Variants in HIVEP2 observed in about 807,000 individuals in gnomAD.
HIVEP2 encodes the protein HIVEP zinc finger 2.
In HIVEP2, 14 loss-of-function variants were observed where a neutral mutation model predicts 180.7. The ratio of observed to expected loss-of-function variants is 0.08; its 90% CI spans 0.05 to 0.12. The LOEUF is 0.12. Ranked by LOEUF, HIVEP2 falls within the 10% of genes least tolerant of loss-of-function variation. The pLI, the probability that HIVEP2 is intolerant of heterozygous loss-of-function variation, is 1.00. For synonymous variants in HIVEP2, 1,184 were observed against 1,136.4 expected (o/e 1.04, Z -0.84); for missense variants, 2,579 against 3,008.5 (o/e 0.86, Z 3.34).
At chr6:142,908,247 G>A (rs981752971) in intron 1 of HIVEP2, among the ~76,000 whole-genome samples, 4 of 152,178 alleles carry the variant, frequency 2.6e-5, no homozygotes, top group Non-Finnish European at 5.9e-5. Flanking sequence ...GCCATATGTG[G>A]TGTTCCTACT....
intron 1 of HIVEP2, among the ~76,000 whole-genome samples, chr6:142,897,972 G>T (rs75727912): frequency 6.6e-6 from 1 of 152,220 alleles, no homozygotes; most frequent in African/African-American, 2.4e-5. Flanking sequence ...GTACACACCT[G>T]CTCTCAACAA....
At chr6:142,850,156 A>C (rs190536659) in intron 1 of HIVEP2, among the ~76,000 whole-genome samples, 1 of 152,250 alleles carries the variant, frequency 6.6e-6, no homozygotes, top group African/African-American at 2.4e-5. Context: ...TATTGGTTTT[A>C]TTGTTTGCTT....
chr6:142,756,559 T>A (rs1176509013), intron 9 of HIVEP2, among the ~76,000 whole-genome samples: 1 of 152,110 alleles, frequency 6.6e-6, no homozygotes, highest in Non-Finnish European at 1.5e-5. Flanking sequence ...TAGGAATGAA[T>A]GTTGACTGTT....
chr6:142,871,617 TAA>T (rs35262877), intron 1 of HIVEP2, among the ~76,000 whole-genome samples: 1 of 147,148 alleles, frequency 6.8e-6, no homozygotes, highest in Non-Finnish European at 1.5e-5. Context: ...AGATCAGAAG[TAA>T]AAAAAAAAAA....
At chr6:142,860,656 C>A (rs1775953346) in intron 1 of HIVEP2, among the ~76,000 whole-genome samples, 1 of 152,154 alleles carries the variant, frequency 6.6e-6, no homozygotes, top group African/African-American at 2.4e-5. Context: ...GCGCAGTTCA[C>A]AATAGGGTTC....
At chr6:142,921,353 T>A (rs535963580) in intron 1 of HIVEP2, among the ~76,000 whole-genome samples, 1 of 152,214 alleles carries the variant, frequency 6.6e-6, no homozygotes, top group Non-Finnish European at 1.5e-5. Flanking sequence ...CTGGCCAACA[T>A]GGCGAAACCT....
rs953079887 is a variant in HIVEP2, at chr6:142,765,930, C to T, written c.5343-956G>A. 6.6e-5 allele frequency among the ~76,000 whole-genome samples: 10 copies of T among 152,288 alleles called. No homozygotes were observed. In the East Asian group the frequency reaches 1.7e-3, roughly 26 times the overall value. On this transcript the variant is annotated intron_variant, in intron 6 of 9. Coordinates refer to ENST00000367603, the MANE Select transcript of HIVEP2 (RefSeq NM_006734.4). ...TCAAAGCTAGGCTAGAATTTTGGGT[C>T]TAATGTTATTTTTGGAAAGACGCTC...
chr6:142,769,301 C>T lies in HIVEP2; in HGVS notation c.5187+251G>A, dbSNP rs528676657. ...TCCCAGTGGTAGGATTTCATGGCACCCAAATTTTTAAATTTTAAAAGCATA... is the reference window on the plus strand; with the variant it reads ...TCCCAGTGGTAGGATTTCATGGCACTCAAATTTTTAAATTTTAAAAGCATA... On this transcript the variant is annotated intron_variant, in intron 5 of 9. Transcript: ENST00000367603. 2.6e-5 allele frequency among the ~76,000 whole-genome samples: 4 copies of T among 152,184 alleles called. No individual in the cohort carries two copies. The South Asian group carries it at 8.3e-4, about 32-fold the overall frequency.
chr6:142,896,539 C>T (rs1776999556), intron 1 of HIVEP2, among the ~76,000 whole-genome samples: 2 of 152,180 alleles, frequency 1.3e-5, no homozygotes, highest in Admixed American at 6.5e-5. Context: ...GGATGCTCTG[C>T]TCAGCACTCT....
At chr6:142,794,683 A>G (rs1221143971) in intron 2 of HIVEP2, among the ~76,000 whole-genome samples, 1 of 152,214 alleles carries the variant, frequency 6.6e-6, no homozygotes, top group Non-Finnish European at 1.5e-5. Flanking sequence ...TGCATCTGAC[A>G]TATTCTTGGA....
chr6:142,937,502 T>C (rs1182531675), intron 1 of HIVEP2, among the ~76,000 whole-genome samples: 1 of 152,162 alleles, frequency 6.6e-6, no homozygotes, highest in Admixed American at 6.5e-5. Flanking sequence ...CATACCCAAA[T>C]TCCCCCAGGT....
intron 1 of HIVEP2, among the ~76,000 whole-genome samples, chr6:142,931,496 G>GTA (rs1777941853): frequency 6.6e-6 from 1 of 152,040 alleles, no homozygotes; most frequent in South Asian, 2.1e-4. Flanking sequence ...GGTAGAAAAG[G>GTA]TATGTGTAAC....
intron 1 of HIVEP2, among the ~76,000 whole-genome samples, chr6:142,882,220 T>G (rs1172059376): frequency 6.6e-6 from 1 of 152,202 alleles, no homozygotes; most frequent in Non-Finnish European, 1.5e-5. Flanking sequence ...GTGACTACAG[T>G]GAAGTATGAA....
In HIVEP2 at chr6:142,771,621, G is replaced by A. The variant is rs752872162; in HGVS notation, c.3118C>T (p.Pro1040Ser). 3 of 1,614,154 alleles carry A rather than the reference G, an allele frequency of 1.9e-6. No homozygotes were observed. In the Admixed American group the frequency reaches 5.0e-5, roughly 27 times the overall value. The change falls in exon 5 of 10, where the codon CCA becomes TCA. Residue 1040 changes from proline (P) to serine (S), a missense_variant. This residue lies in a region of HIVEP2 where 523 missense variants were observed against 577.0 expected (regional missense o/e 0.91). Transcript: ENST00000367603. This position sits in a 1 kb window ranked among gnomAD's most constrained non-coding sequence, Gnocchi z 5.4. ...CTCCGAACTTCTGGGACTTCCGCTG[G>A]GTGAGGACAAGGCATCTGCTCTGAT... ...CSSEQMPCPH[P>S]AEVPEVRSKS...
At chr6:142,944,400 C>G (rs1223141695) in intron 1 of HIVEP2, among the ~76,000 whole-genome samples, 1 of 144,714 alleles carries the variant, frequency 6.9e-6, no homozygotes, top group African/African-American at 2.7e-5. Context: ...CCCACACATG[C>G]ACATCAGCAC....
At chr6:142,865,462 A>G (rs1203498702) in intron 1 of HIVEP2, among the ~76,000 whole-genome samples, 1 of 152,112 alleles carries the variant, frequency 6.6e-6, no homozygotes, top group Non-Finnish European at 1.5e-5. Context: ...CACTTTAAGG[A>G]ATAATGTTAC....
chr6:142,901,224 C>T (rs1777125790), intron 1 of HIVEP2, among the ~76,000 whole-genome samples: 1 of 152,070 alleles, frequency 6.6e-6, no homozygotes, highest in Non-Finnish European at 1.5e-5. Context: ...AATTTGTGAC[C>T]TTATCACATC....
rs60465061 is a variant in HIVEP2, at chr6:142,831,579, T to A, written c.-528+5356A>T. On this transcript the variant is annotated intron_variant, in intron 2 of 9. Transcript: ENST00000367603. ...CTTCACACTACACAGGAATCCCTCA[T>A]AGTCAGAGGCCACATGTAATTTATC... Among the ~76,000 whole-genome samples the A allele has an allele frequency of 5.5e-4, 84 of 152,314 alleles. 2 individuals are homozygous for A. In the East Asian group the frequency reaches 0.013, roughly 24 times the overall value.
chr6:142,790,103 G>T (rs1418612209), intron 2 of HIVEP2, among the ~76,000 whole-genome samples: 2 of 152,072 alleles, frequency 1.3e-5, no homozygotes, highest in Non-Finnish European at 2.9e-5. Context: ...AATATTTTAA[G>T]TAGAGTTATG....
Sources: allele counts gnomAD v4.1 joint callset (sites outside exome capture counted in the v4.1 genomes callset), GRCh38; gene constraint gnomAD v4.1.1; regional missense constraint gnomAD v4.1.1; non-coding constraint Gnocchi (gnomAD v3.1); transcripts MANE v1.5; gene names NCBI Gene and HGNC (gene_info 2026-07-23, HGNC 2026-07-21).